The following PRPH2 variants were observed in gnomAD, a reference collection of about 807,000 sequenced individuals.
PRPH2 encodes peripherin-2.
A neutral mutation model predicts 31.3 loss-of-function variants in PRPH2; 17 were observed. The ratio of observed to expected loss-of-function variants is 0.54; its 90% confidence interval spans 0.37 to 0.81. PRPH2 has a LOEUF of 0.81. Ranked by LOEUF, PRPH2 falls within the 40% of genes least tolerant of loss-of-function variation. The pLI, the probability that PRPH2 is intolerant of heterozygous loss-of-function variation, is 0.00. For synonymous variants in PRPH2, 165 were observed against 184.4 expected (o/e 0.89, Z 0.85); for missense variants, 430 against 439.7 (o/e 0.98, Z 0.20).
Position 42,698,313 on chromosome 6 carries a change from C to T in PRPH2, c.1023G>A (p.Gln341=), listed in dbSNP as rs1489845174. The T allele has an allele frequency of 1.9e-6, 3 of 1,613,868 alleles. No individual in the cohort carries two copies. The South Asian group carries it at 3.3e-5, about 18-fold the overall frequency. ...QVEAEGADAG[Q]APEAG ...AGGGCCCTCAGCCAGCCTCTGGGGC[C>T]TGGCCTGCGTCTGCGCCCTCGGCTT... is the stretch of plus-strand genomic sequence containing the variant. The change falls in exon 3 of 3, where the codon CAG becomes CAA. Residue 341 remains glutamine (Q), a synonymous_variant. Transcript: ENST00000230381.
intron 1 of PRPH2, among the ~76,000 whole-genome samples, chr6:42,716,970 T>TC (rs1401105517): frequency 5.7e-5 from 7 of 122,792 alleles, no homozygotes; most frequent in African/African-American, 2.2e-4. Context: ...TTCTTTTTTT[T>TC]TTTTTTTTTT....
chr6:42,705,550 T>A (rs1292850054), intron 1 of PRPH2, among the ~76,000 whole-genome samples: 1 of 126,676 alleles, frequency 7.9e-6, no homozygotes, highest in Non-Finnish European at 1.6e-5. Context: ...GCTCTCAGCC[T>A]GGGCAACAGA....
chr6:42,715,629 C>T (rs1761762885), intron 1 of PRPH2, among the ~76,000 whole-genome samples: 2 of 152,160 alleles, frequency 1.3e-5, no homozygotes, highest in Non-Finnish European at 2.9e-5. Context: ...TGAGATCGTG[C>T]CACTGCACTT....
At chr6:42,704,658 A>G (rs1162157965) in intron 1 of PRPH2, 47 bp from the exon 2 acceptor site, 1 of 1,613,974 alleles carries the variant, frequency 6.2e-7, no homozygotes, top group East Asian at 2.2e-5. Context: ...GGGCTTCTCA[A>G]CAGGGGCCAC....
Position 42,722,329 on chromosome 6 carries a change from C to A in PRPH2, c.6G>T (p.Ala2=), listed in dbSNP as rs375969072. M[A]LLKVKFDQKK... Reference sequence around the variant, plus strand: ...TCTGGTCAAACTTGACTTTCAGTAGCGCCATGCTTGCCAAGTGTAGTCCGG... The same window carrying A: ...TCTGGTCAAACTTGACTTTCAGTAGAGCCATGCTTGCCAAGTGTAGTCCGG... Residue 2 remains alanine (A), a synonymous_variant, in exon 1 of 3, where the codon GCG becomes GCT. Coordinates refer to ENST00000230381, the MANE Select transcript of PRPH2 (RefSeq NM_000322.5). The surrounding 1 kb of genome is among the most constrained non-coding windows in gnomAD (Gnocchi z 4.4). The A allele has an allele frequency of 8.1e-5, 131 of 1,613,528 alleles. No homozygotes were observed. The highest frequency in any genetic ancestry group is 1.0e-4 in the Non-Finnish European group (122 of 1,180,040).
chr6:42,716,962 C>CTTTTTTTTTTTTTT lies in PRPH2; in HGVS notation c.581+4778_581+4791dup, dbSNP rs1161769235. Among the ~76,000 whole-genome samples, 13 of 45,186 alleles carry CTTTTTTTTTTTTTT rather than the reference C, an allele frequency of 2.9e-4. 1 individual carries two copies. The highest frequency in any genetic ancestry group is 3.6e-4 in the Admixed American group (1 of 2,746). 29.6% of individuals were successfully genotyped at this position (45,186 alleles called of 152,430 possible). The stretch of plus-strand genomic sequence containing the variant: ...TTCTTTTCTTTTCTTTCTTTCTTTT[C>CTTTTTTTTTTTTTT]TTTTTTTTTTTTTTTTTTTTTTTTG... On this transcript the variant is annotated intron_variant, in intron 1 of 2. Coordinates refer to ENST00000230381, the MANE Select transcript of PRPH2 (RefSeq NM_000322.5).
chr6:42,713,020 T>G (rs1284955148), intron 1 of PRPH2, among the ~76,000 whole-genome samples: 2 of 150,664 alleles, frequency 1.3e-5, no homozygotes, highest in East Asian at 4.0e-4. Flanking sequence ...AGGTCAGGAG[T>G]TCGAGACCAG....
At chr6:42,704,914 G>C (rs746592598) in intron 1 of PRPH2, among the ~76,000 whole-genome samples, 4 of 152,226 alleles carry the variant, frequency 2.6e-5, no homozygotes, top group Admixed American at 1.3e-4. Context: ...CATGCCTGGT[G>C]CATAGGTGGG....
chr6:42,705,599 A>AAAAAAATATATATATATAT (rs1562424252), intron 1 of PRPH2, among the ~76,000 whole-genome samples: 11 of 21,550 alleles, frequency 5.1e-4, no homozygotes, highest in Non-Finnish European at 6.7e-4. Context: ...AAAAAAAAAA[A>AAAAAAATATATATATATAT]ATATATATAT....
intron 1 of PRPH2, among the ~76,000 whole-genome samples, chr6:42,709,605 A>G (rs1307536062): frequency 6.6e-6 from 1 of 152,140 alleles, no homozygotes; most frequent in African/African-American, 2.4e-5. Flanking sequence ...GAATATAGAA[A>G]TTCACCCAAC....
intron 1 of PRPH2, among the ~76,000 whole-genome samples, chr6:42,710,752 T>C (rs1329611399): frequency 6.6e-6 from 1 of 152,184 alleles, no homozygotes; most frequent in Non-Finnish European, 1.5e-5. Flanking sequence ...AATGATCACG[T>C]CTGAGTTTTT....
At chr6:42,720,431 T>C (rs1171324861) in intron 1 of PRPH2, among the ~76,000 whole-genome samples, 2 of 152,240 alleles carry the variant, frequency 1.3e-5, no homozygotes, top group African/African-American at 4.8e-5. Context: ...ATGTAAATCG[T>C]GGCATCTTGT....
rs769939935 is a variant in PRPH2 at position 42,721,851 on chromosome 6, C to T, written c.484G>A (p.Glu162Lys). The T allele has an allele frequency of 6.2e-7, 1 of 1,614,194 alleles. No individual in the cohort carries two copies. The highest frequency in any genetic ancestry group is 8.5e-7 in the Non-Finnish European group (1 of 1,180,046). Residue 162 changes from glutamate to lysine, a missense_variant, in exon 1 of 3, where the codon GAG becomes AAG. Glu to Lys is a moderately conservative substitution (Grantham distance 56). Transcript: ENST00000230381. The stretch of plus-strand genomic sequence containing the variant: ...CCGTTGTTGCCGCAGCATTTGAACT[C>T]GATCTGCAGCATGTCGATGGTCTTC... ...MKKTIDMLQI[E>K]FKCCGNNGFR...
Position 42,709,068 on chromosome 6 carries a change from C to T in PRPH2, c.582-4457G>A, listed in dbSNP as rs567407023. 1.6e-4 allele frequency among the ~76,000 whole-genome samples: 25 copies of T among 152,224 alleles called. No individual in the cohort carries two copies. The South Asian group carries it at 4.4e-3, about 26-fold the overall frequency. ...GGGTCCAGCCGGGCGCGGTGGCTCA[C>T]GCCTGTAATCCTAGCACTTTGGGAG... is the stretch of plus-strand genomic sequence containing the variant. On this transcript the variant is annotated intron_variant, in intron 1 of 2. Coordinates refer to ENST00000230381, the MANE Select transcript of PRPH2 (RefSeq NM_000322.5).
At chr6:42,713,907 A>G (rs1464796779) in intron 1 of PRPH2, among the ~76,000 whole-genome samples, 1 of 134,746 alleles carries the variant, frequency 7.4e-6, no homozygotes, top group Admixed American at 7.9e-5. Context: ...GTGACTGAGC[A>G]AGACTCCATC....
At chr6:42,702,519 C>T (rs1800064181) in intron 2 of PRPH2, among the ~76,000 whole-genome samples, 1 of 142,142 alleles carries the variant, frequency 7.0e-6, no homozygotes, top group South Asian at 2.3e-4. Flanking sequence ...CATTTACTAA[C>T]AGGCTCTCAT....
intron 1 of PRPH2, among the ~76,000 whole-genome samples, chr6:42,710,965 A>G (rs1472716990): frequency 1.3e-5 from 2 of 152,152 alleles, no homozygotes; most frequent in East Asian, 1.9e-4. Flanking sequence ...TCGACAGGGG[A>G]TGGTGGAAAT....
At chr6:42,719,218 G>A (rs990898473) in intron 1 of PRPH2, among the ~76,000 whole-genome samples, 10 of 151,040 alleles carry the variant, frequency 6.6e-5, no homozygotes, top group African/African-American at 2.4e-4. Flanking sequence ...TCCCGGGCTG[G>A]AGTACAGTGG....
At chr6:42,721,513 A>ACC (rs1339233400) in intron 1 of PRPH2, among the ~76,000 whole-genome samples, 1 of 152,150 alleles carries the variant, frequency 6.6e-6, no homozygotes, top group Non-Finnish European at 1.5e-5. Context: ...ATACCTTCCT[A>ACC]CCACCTTAGC....
Sources: gnomAD v4.1 joint callset for allele counts (sites outside exome capture counted in the v4.1 genomes callset) on GRCh38, gnomAD v4.1.1 for gene constraint, Gnocchi (gnomAD v3.1) non-coding constraint, MANE v1.5 for transcripts, NCBI Gene and HGNC (gene_info 2026-07-23, HGNC 2026-07-21) for gene names.